EPHX1: variants seen among roughly 807,000 people sequenced by gnomAD.
The protein encoded by EPHX1 is epoxide hydrolase 1, also known as epoxide hydratase.
Under a neutral mutation model 43.2 loss-of-function variants are expected in EPHX1, and 40 were observed. The ratio of observed to expected loss-of-function variants is 0.93; its 90% CI spans 0.72 to 1.21. EPHX1 has a LOEUF of 1.21. EPHX1 is among the 50% of genes most tolerant of loss of function. The pLI, the probability that EPHX1 is intolerant of heterozygous loss-of-function variation, is 0.00. For missense variants in EPHX1, 550 were observed against 570.4 expected, an observed-to-expected ratio of 0.96 and a Z score of 0.36; for synonymous variants, 221 against 226.7, an observed-to-expected ratio of 0.98 and a Z score of 0.22.
chr1:225,829,359 C>T (rs944138666), intron 2 of EPHX1, among the ~76,000 whole-genome samples: 1 of 152,186 alleles, frequency 6.6e-6, no homozygotes, highest in Non-Finnish European at 1.5e-5. Flanking sequence ...TCAATCCCTA[C>T]GGTGATCCCG....
At chr1:225,813,885 A>T (rs888189041) in intron 1 of EPHX1, among the ~76,000 whole-genome samples, 1 of 152,168 alleles carries the variant, frequency 6.6e-6, no homozygotes, top group Non-Finnish European at 1.5e-5. Flanking sequence ...AAGAGGGGAA[A>T]GTGTTCTTTT....
At chr1:225,816,016 G>A (rs986636107) in intron 1 of EPHX1, among the ~76,000 whole-genome samples, 4 of 152,220 alleles carry the variant, frequency 2.6e-5, no homozygotes, top group African/African-American at 7.2e-5. Flanking sequence ...GGACTGGCCC[G>A]GCATGGTGGC....
chr1:225,820,160 T>C (rs1477420682), intron 1 of EPHX1, among the ~76,000 whole-genome samples: 1 of 152,148 alleles, frequency 6.6e-6, no homozygotes. Flanking sequence ...TGCAGTGGTG[T>C]GATCTTGGCT....
intron 2 of EPHX1, among the ~76,000 whole-genome samples, chr1:225,831,526 A>T (rs1198350699): frequency 6.6e-6 from 1 of 150,700 alleles, no homozygotes; most frequent in Admixed American, 6.7e-5. Context: ...CAGCCTGGGC[A>T]ACAGAGTGAG....
At chr1:225,819,433 T>G (rs1201308934) in intron 1 of EPHX1, among the ~76,000 whole-genome samples, 1 of 150,546 alleles carries the variant, frequency 6.6e-6, no homozygotes. Flanking sequence ...AAGATTGCTG[T>G]GGCTTCAGAG....
chr1:225,844,750 C>A, intron 8 of EPHX1, 127 bp downstream of exon 8: 1 of 1,443,300 alleles, frequency 6.9e-7, no homozygotes, highest in Non-Finnish European at 9.4e-7. Flanking sequence ...GCCCCAGGGG[C>A]CCTTGGATGG....
At position 225,835,536 on chromosome 1, in the gene EPHX1, C is replaced by T. The variant is rs113518370; in HGVS notation, c.365-3118C>T. On this transcript the variant is annotated intron_variant, in intron 3 of 8. Coordinates refer to ENST00000272167, the MANE Select transcript of EPHX1 (RefSeq NM_001136018.4). The stretch of plus-strand genomic sequence containing the variant: ...TCCCGAGTAGCTGGGACTACAGGCG[C>T]CCGCCACCATGCCCAGCTAATTTTT... Among the ~76,000 whole-genome samples the T allele has an allele frequency of 6.8e-3, 1,034 of 151,772 alleles. 14 individuals carry two copies. The highest frequency in any genetic ancestry group is 0.024 in the African/African-American group (996 of 41,408).
chr1:225,820,184 G>A (rs990761239), intron 1 of EPHX1, among the ~76,000 whole-genome samples: 10 of 151,998 alleles, frequency 6.6e-5, no homozygotes, highest in South Asian at 4.1e-4. Flanking sequence ...TGCAACCTCC[G>A]CCTCCTGGGT....
intron 3 of EPHX1, among the ~76,000 whole-genome samples, chr1:225,835,625 G>A (rs1230484904): frequency 2.0e-5 from 3 of 151,592 alleles, no homozygotes; most frequent in Non-Finnish European, 4.4e-5. Context: ...GCCTGACCTC[G>A]TGATCCACCT....
intron 3 of EPHX1, among the ~76,000 whole-genome samples, chr1:225,833,744 G>T (rs1462795301): frequency 6.9e-6 from 1 of 145,620 alleles, no homozygotes; most frequent in African/African-American, 2.5e-5. Context: ...GTGGTGAGCT[G>T]AGATCACACC....
At chr1:225,814,323 C>T (rs909656026) in intron 1 of EPHX1, among the ~76,000 whole-genome samples, 2 of 152,090 alleles carry the variant, frequency 1.3e-5, no homozygotes, top group East Asian at 3.9e-4. Flanking sequence ...CTCTTGAGCC[C>T]AAGAGTTCAA....
At chr1:225,815,731 A>G (rs1282204345) in intron 1 of EPHX1, among the ~76,000 whole-genome samples, 1 of 152,122 alleles carries the variant, frequency 6.6e-6, no homozygotes, top group African/African-American at 2.4e-5. Context: ...GGGCTGCCCT[A>G]CAGGAAGCAC....
At chr1:225,844,651 G>C (rs1668771411) in intron 8 of EPHX1, 28 bp downstream of exon 8, 1 of 1,613,120 alleles carries the variant, frequency 6.2e-7, no homozygotes, top group Non-Finnish European at 8.5e-7. Context: ...GAGAACAGGG[G>C]CCTCTGAGGC....
intron 3 of EPHX1, among the ~76,000 whole-genome samples, chr1:225,837,459 C>A (rs1455212883): frequency 6.6e-6 from 1 of 152,146 alleles, no homozygotes; most frequent in Non-Finnish European, 1.5e-5. Flanking sequence ...AATCCATTCA[C>A]CTGCCCTTGG....
intron 3 of EPHX1, among the ~76,000 whole-genome samples, chr1:225,835,547 G>T (rs959128483): frequency 6.6e-6 from 1 of 151,644 alleles, no homozygotes; most frequent in Non-Finnish European, 1.5e-5. Context: ...CCGCCACCAT[G>T]CCCAGCTAAT....
At chr1:225,834,276 G>A (rs139417767) in intron 3 of EPHX1, among the ~76,000 whole-genome samples, 1,676 of 151,548 alleles carry the variant, frequency 0.011, 90 homozygotes, top group Admixed American at 0.085. Context: ...ATGGTGGCAC[G>A]TGCCTGTAGT....
chr1:225,815,723 G>A lies in EPHX1; in HGVS notation c.-6+5554G>A, dbSNP rs1278873223. Among the ~76,000 whole-genome samples, 8 of 152,148 alleles carry A rather than the reference G, an allele frequency of 5.3e-5. 1 individual carries two copies. Among genetic ancestry groups the A allele is most frequent in the Admixed American group, 5.2e-4 (8 of 15,272 alleles). On this transcript the variant is annotated intron_variant, in intron 1 of 8. Transcript: ENST00000272167. ...CCAGAACTCGGACCCTGGTCCTCGGGCTGCCCTACAGGAAGCACCCCTAGT... is the reference window on the plus strand; with the variant it reads ...CCAGAACTCGGACCCTGGTCCTCGGACTGCCCTACAGGAAGCACCCCTAGT...
chr1:225,818,922 C>G (rs1666849260), intron 1 of EPHX1, among the ~76,000 whole-genome samples: 1 of 119,040 alleles, frequency 8.4e-6, no homozygotes, highest in South Asian at 3.1e-4. Context: ...GAACCTGTCT[C>G]CATTAAAAAA....
chr1:225,832,569 A>G (rs1405705659), intron 3 of EPHX1, among the ~76,000 whole-genome samples: 2 of 152,244 alleles, frequency 1.3e-5, no homozygotes, highest in Non-Finnish European at 2.9e-5. Flanking sequence ...CTATACTCAG[A>G]AGTGGACTTG....
Sources: gnomAD v4.1 joint callset for allele counts (sites outside exome capture counted in the v4.1 genomes callset) on GRCh38, gnomAD v4.1.1 for gene constraint, MANE v1.5 for transcripts, NCBI Gene and HGNC (gene_info 2026-07-23, HGNC 2026-07-21) for gene names.